Variants in LPP observed in about 807,000 individuals in gnomAD.
The protein encoded by LPP is LIM domain containing preferred translocation partner in lipoma.
A neutral mutation model predicts 60.4 loss-of-function variants in LPP; 38 were observed. That is an observed-to-expected ratio of 0.63 (90% confidence interval 0.49 to 0.83). The LOEUF (loss-of-function observed/expected upper bound fraction) is 0.83. Among genes scored for constraint, LPP ranks in the 40% least tolerant of loss-of-function variants. LPP has a pLI of 0.00. For synonymous variants in LPP, 328 were observed against 290.8 expected (o/e 1.13, Z -1.30); for missense variants, 902 against 783.6 (o/e 1.15, Z -1.80).
intron 4 of LPP, among the ~76,000 whole-genome samples, chr3:188,483,343 C>T (rs1257670468): frequency 6.6e-6 from 1 of 152,132 alleles, no homozygotes; most frequent in Non-Finnish European, 1.5e-5. Flanking sequence ...TTCTATTTCT[C>T]AGGGCCTAAA....
intron 6 of LPP, among the ~76,000 whole-genome samples, chr3:188,549,209 G>A (rs1256766476): frequency 6.6e-6 from 1 of 152,138 alleles, no homozygotes; most frequent in Non-Finnish European, 1.5e-5. Flanking sequence ...ACAGAAGTCT[G>A]TATAGCCTTG....
At chr3:188,208,846 C>G (rs1397415604) in intron 1 of LPP, among the ~76,000 whole-genome samples, 2 of 152,158 alleles carry the variant, frequency 1.3e-5, no homozygotes, top group Non-Finnish European at 2.9e-5. Flanking sequence ...CCTTTAATTC[C>G]CAGAGACTTA....
At chr3:188,436,231 C>T (rs1285320590) in intron 4 of LPP, among the ~76,000 whole-genome samples, 1 of 152,170 alleles carries the variant, frequency 6.6e-6, no homozygotes, top group African/African-American at 2.4e-5. Flanking sequence ...ACCAGAATAA[C>T]AGGGCTCCTG....
chr3:188,551,318 G>T (rs1164088957), intron 6 of LPP, among the ~76,000 whole-genome samples: 1 of 152,092 alleles, frequency 6.6e-6, no homozygotes, highest in South Asian at 2.1e-4. Flanking sequence ...AACAGTATGG[G>T]GGAAACTGCC....
Position 188,843,373 on chromosome 3 carries a change from C to T in LPP, c.1411-22827C>T, listed in dbSNP as rs192370666. Among the ~76,000 whole-genome samples the T allele has an allele frequency of 1.7e-4, 26 of 152,292 alleles. No homozygotes were observed. The East Asian group carries it at 4.1e-3, about 24-fold the overall frequency. On this transcript the variant is annotated intron_variant, in intron 9 of 11. Coordinates refer to ENST00000617246, the MANE Select transcript of LPP (RefSeq NM_001375462.1). ...GACTCGAGTTCAAGTGGCAGCTCTG[C>T]GCTGGCTTGGCAGTGTAACTGGCCA...
intron 5 of LPP, among the ~76,000 whole-genome samples, chr3:188,520,400 G>T (rs920988019): frequency 6.6e-6 from 1 of 152,132 alleles, no homozygotes; most frequent in African/African-American, 2.4e-5. Flanking sequence ...TTTCTGTGCC[G>T]GGCCTTCTCT....
At chr3:188,577,859 C>CT (rs1424913686) in intron 6 of LPP, among the ~76,000 whole-genome samples, 2 of 141,590 alleles carry the variant, frequency 1.4e-5, no homozygotes, top group East Asian at 4.7e-4. Context: ...CTCTCTCTCT[C>CT]TTTTCCTCTC....
intron 1 of LPP, among the ~76,000 whole-genome samples, chr3:188,164,618 T>C (rs944928691): frequency 1.1e-4 from 16 of 152,200 alleles, no homozygotes; most frequent in African/African-American, 3.9e-4. Context: ...AGGCAAACTC[T>C]GCCCTGGCCA....
chr3:188,635,461 G>C (rs1422741206), intron 7 of LPP, among the ~76,000 whole-genome samples: 1 of 152,156 alleles, frequency 6.6e-6, no homozygotes, highest in Non-Finnish European at 1.5e-5. Context: ...GTGAGAACAG[G>C]CTTATTCAGA....
intron 2 of LPP, among the ~76,000 whole-genome samples, chr3:188,299,437 C>T (rs796302730): frequency 1.3e-4 from 20 of 152,290 alleles, no homozygotes; most frequent in African/African-American, 4.3e-4. Context: ...ATTACGTCGT[C>T]TTAAGCAGCT....
At chr3:188,361,118 G>T (rs191723037) in intron 3 of LPP, among the ~76,000 whole-genome samples, 72 of 152,266 alleles carry the variant, frequency 4.7e-4, no homozygotes, top group African/African-American at 1.7e-3. Context: ...TTTCAGGAAA[G>T]CTCTTTTAGG....
chr3:188,807,887 G>T (rs930527474), intron 9 of LPP, among the ~76,000 whole-genome samples: 13 of 152,118 alleles, frequency 8.5e-5, no homozygotes, highest in African/African-American at 2.9e-4. Context: ...TTGACAGTGT[G>T]TTGTTATTTT....
rs1803367670 is a variant in LPP at position 188,476,865 on chromosome 3, G to GACACAAAAT, written c.194-7726_194-7725insCACAAAATA. Among the ~76,000 whole-genome samples, 17 of 152,290 alleles carry GACACAAAAT rather than the reference G, an allele frequency of 1.1e-4. 1 individual carries two copies. The highest frequency in any genetic ancestry group is 4.1e-4 in the African/African-American group (17 of 41,574). On this transcript the variant is annotated intron_variant, in intron 4 of 11. Transcript: ENST00000617246. ...ACAGAGGAAGATGTGTCACTGAAGG[G>GACACAAAAT]AGATATATTGTGCTATTTTGATGAC...
At chr3:188,558,020 C>T (rs950694578) in intron 6 of LPP, among the ~76,000 whole-genome samples, 7 of 151,984 alleles carry the variant, frequency 4.6e-5, no homozygotes, top group Non-Finnish European at 7.4e-5. Flanking sequence ...AGAAAGCATG[C>T]GTGTTTGTAC....
chr3:188,230,872 A>G (rs1719680696), intron 2 of LPP, among the ~76,000 whole-genome samples: 1 of 152,172 alleles, frequency 6.6e-6, no homozygotes, highest in Non-Finnish European at 1.5e-5. Context: ...CTCTCACCAC[A>G]TCGCAGTCCA....
In LPP at chr3:188,878,752, A is replaced by G. The variant is rs1769543928; in HGVS notation, c.*4273A>G. Reference sequence around the variant, plus strand: ...CTCAAAAATATACTCACCAAAAAGTAAAAAAGTAAAAAAAAAAAAAAAAGA... The same window carrying G: ...CTCAAAAATATACTCACCAAAAAGTGAAAAAGTAAAAAAAAAAAAAAAAGA... On this transcript the variant is annotated 3_prime_UTR_variant, in exon 12 of 12. Coordinates refer to ENST00000617246, the MANE Select transcript of LPP (RefSeq NM_001375462.1). 6.0e-6 allele frequency: 1 copy of G among 165,324 alleles called. No individual in the cohort carries two copies. The highest frequency in any genetic ancestry group is 1.2e-5 in the Non-Finnish European group (1 of 82,256). 10.2% of individuals were successfully genotyped at this position (165,324 alleles called of 1,614,324 possible).
At chr3:188,381,630 A>G (rs971062120) in intron 3 of LPP, among the ~76,000 whole-genome samples, 5 of 152,170 alleles carry the variant, frequency 3.3e-5, no homozygotes, top group African/African-American at 1.2e-4. Context: ...CATTCATTGA[A>G]ATATGAAATA....
intron 9 of LPP, among the ~76,000 whole-genome samples, chr3:188,816,418 G>T (rs1265358589): frequency 6.6e-6 from 1 of 151,866 alleles, no homozygotes; most frequent in Non-Finnish European, 1.5e-5. Flanking sequence ...AGCCAGGATG[G>T]TCTTGATCTC....
intron 7 of LPP, chr3:188,688,850 C>T (rs375704067): frequency 5.2e-5 from 27 of 524,036 alleles, no homozygotes; most frequent in African/African-American, 5.1e-4. Flanking sequence ...ATTGTGAGCT[C>T]CTGGAGGGCA....
Sources: allele counts gnomAD v4.1 joint callset (sites outside exome capture counted in the v4.1 genomes callset), GRCh38; gene constraint gnomAD v4.1.1; transcripts MANE v1.5; gene names NCBI Gene and HGNC (gene_info 2026-07-23, HGNC 2026-07-21).